LSAMP: variants seen among roughly 807,000 people sequenced by gnomAD.
The protein encoded by LSAMP is limbic system-associated membrane protein.
In LSAMP, 7 loss-of-function variants were observed where a neutral mutation model predicts 38.6. That is an observed-to-expected ratio of 0.18 (90% CI 0.10 to 0.34). The LOEUF is 0.34. Among genes scored for constraint, LSAMP ranks in the 10% least tolerant of loss-of-function variants. The pLI is 1.00. For synonymous variants in LSAMP, 154 were observed against 166.8 expected (o/e 0.92, Z 0.59); for missense variants, 313 against 420.0 (o/e 0.75, Z 2.23).
At chr3:116,308,447 T>TAATG (rs1469006738) in intron 1 of LSAMP, among the ~76,000 whole-genome samples, 1 of 151,994 alleles carries the variant, frequency 6.6e-6, no homozygotes, top group East Asian at 1.9e-4. Flanking sequence ...TACACTGGAT[T>TAATG]AATGAATGAA....
At chr3:116,208,000 C>G (rs1389511234) in intron 1 of LSAMP, among the ~76,000 whole-genome samples, 2 of 149,338 alleles carry the variant, frequency 1.3e-5, no homozygotes, top group Non-Finnish European at 3.0e-5. Context: ...GAGTGTTTTC[C>G]AACTTGGTTC....
chr3:116,429,197 C>T (rs1364447574), intron 1 of LSAMP, among the ~76,000 whole-genome samples: 1 of 152,204 alleles, frequency 6.6e-6, no homozygotes, highest in African/African-American at 2.4e-5. Context: ...AGGAAAGAGA[C>T]TGGTTTCATA....
chr3:116,425,873 C>CAA (rs67102242), intron 1 of LSAMP, among the ~76,000 whole-genome samples: 6 of 146,134 alleles, frequency 4.1e-5, no homozygotes, highest in African/African-American at 1.3e-4. Flanking sequence ...CATCCTAAAG[C>CAA]AAAAAAAAAA....
At chr3:116,162,487 G>C (rs1397658693) in intron 1 of LSAMP, among the ~76,000 whole-genome samples, 1 of 152,142 alleles carries the variant, frequency 6.6e-6, no homozygotes, top group African/African-American at 2.4e-5. Flanking sequence ...TGTTATCAGA[G>C]TTGGGAAACT....
intron 1 of LSAMP, among the ~76,000 whole-genome samples, chr3:116,214,940 T>C (rs1304233394): frequency 6.6e-6 from 1 of 152,136 alleles, no homozygotes; most frequent in Non-Finnish European, 1.5e-5. Context: ...ATTTTAAAAG[T>C]CTTAGAAGGA....
At chr3:116,211,923 T>C (rs1042423403) in intron 1 of LSAMP, among the ~76,000 whole-genome samples, 5 of 152,120 alleles carry the variant, frequency 3.3e-5, no homozygotes, top group African/African-American at 9.7e-5. Flanking sequence ...GTTGGTTCCA[T>C]GGGTTAGTTC....
intron 1 of LSAMP, among the ~76,000 whole-genome samples, chr3:116,097,006 T>C (rs1243465983): frequency 6.6e-6 from 1 of 152,234 alleles, no homozygotes; most frequent in Non-Finnish European, 1.5e-5. Flanking sequence ...GAGCCTTTGT[T>C]CTCTGTGAAA....
chr3:115,894,574 C>T (rs1238189578), intron 3 of LSAMP, among the ~76,000 whole-genome samples: 2 of 152,026 alleles, frequency 1.3e-5, no homozygotes, highest in East Asian at 1.9e-4. Flanking sequence ...TCAGAAATAC[C>T]ATCTTCTGAG....
intron 1 of LSAMP, among the ~76,000 whole-genome samples, chr3:116,264,605 T>C (rs1354473713): frequency 2.6e-5 from 4 of 152,078 alleles, no homozygotes; most frequent in Admixed American, 6.6e-5. Context: ...TGTGGGTTTT[T>C]GTTTGTTTGT....
chr3:116,429,851 C>G (rs1035761896), intron 1 of LSAMP, among the ~76,000 whole-genome samples: 2 of 151,992 alleles, frequency 1.3e-5, no homozygotes, highest in Non-Finnish European at 2.9e-5. Context: ...CCATATTGAC[C>G]AAGAGGTTGA....
intron 6 of LSAMP, chr3:115,816,548 C>G: frequency 1.0e-6 from 1 of 952,460 alleles, no homozygotes; most frequent in Non-Finnish European, 1.4e-6. Flanking sequence ...GTATATAAGA[C>G]AACAATATAT....
intron 3 of LSAMP, among the ~76,000 whole-genome samples, chr3:115,990,391 G>A (rs947900730): frequency 2.0e-5 from 3 of 152,046 alleles, no homozygotes; most frequent in Admixed American, 6.6e-5. Context: ...GGCAGCTTCT[G>A]ATTAGCACAC....
At chr3:116,099,007 CGCT>C (rs1352357779) in intron 1 of LSAMP, among the ~76,000 whole-genome samples, 1 of 152,174 alleles carries the variant, frequency 6.6e-6, no homozygotes, top group African/African-American at 2.4e-5. Flanking sequence ...AAAGCACTAA[CGCT>C]GGTAAGGTGA....
intron 1 of LSAMP, among the ~76,000 whole-genome samples, chr3:116,155,159 A>G (rs531977273): frequency 6.6e-6 from 1 of 152,130 alleles, no homozygotes; most frequent in South Asian, 2.1e-4. Flanking sequence ...AGACTATTTG[A>G]TTAATGTCTG....
chr3:115,893,180 G>A (rs1470510110), intron 3 of LSAMP, among the ~76,000 whole-genome samples: 3 of 151,958 alleles, frequency 2.0e-5, no homozygotes. Flanking sequence ...ATAACATTAG[G>A]AGAAACACCT....
chr3:116,206,370 AT>A lies in LSAMP; in HGVS notation c.156-119815del, dbSNP rs1019274357. ...AAAAAACCAGCTCCTGGATTCATTAATTTTTTGAAGGGTTTTTTTGGTCTCT... is the reference window on the plus strand; with the variant it reads ...AAAAAACCAGCTCCTGGATTCATTAATTTTTGAAGGGTTTTTTTGGTCTCT... On this transcript the variant is annotated intron_variant, in intron 1 of 6. Transcript: ENST00000490035. Among the ~76,000 whole-genome samples the A allele has an allele frequency of 2.1e-4, 32 of 150,960 alleles. 1 individual carries two copies. Among genetic ancestry groups the A allele is most frequent in the African/African-American group, 7.6e-4 (31 of 41,056 alleles).
At position 116,445,128 on chromosome 3, in the gene LSAMP, C is replaced by G. The variant is rs1050538277; in HGVS notation, c.-97G>C. ...ACCAACACGGGGCTTTCATCCACAG[C>G]GAGCGCAGAGCGGGCTTTGCCAGTT... On this transcript the variant is annotated 5_prime_UTR_variant, in exon 1 of 7. Coordinates refer to ENST00000490035, the MANE Select transcript of LSAMP (RefSeq NM_002338.5). The G allele has an allele frequency of 1.5e-5, 19 of 1,293,630 alleles. No homozygotes were observed. The African/African-American group carries it at 2.4e-4, about 16-fold the overall frequency. 80.1% of individuals were successfully genotyped at this position (1,293,630 alleles called of 1,614,324 possible). A position where few individuals can be genotyped will look rare whatever the true frequency, so the allele number is the denominator to read the frequency against.
chr3:115,984,628 T>A (rs996176733), intron 3 of LSAMP, among the ~76,000 whole-genome samples: 1 of 152,204 alleles, frequency 6.6e-6, no homozygotes, highest in Admixed American at 6.5e-5. Context: ...TAAATAGCAG[T>A]ACCTAGTATT....
intron 1 of LSAMP, among the ~76,000 whole-genome samples, chr3:116,166,381 T>C (rs571532268): frequency 1.1e-4 from 16 of 152,346 alleles, no homozygotes; most frequent in African/African-American, 3.1e-4. Context: ...AGATCTTCAG[T>C]GACTTGTCTG....
Sources: allele counts gnomAD v4.1 joint callset (sites outside exome capture counted in the v4.1 genomes callset), GRCh38; gene constraint gnomAD v4.1.1; transcripts MANE v1.5; gene names NCBI Gene and HGNC (gene_info 2026-07-23, HGNC 2026-07-21).